C1orf52: variants seen among roughly 807,000 people sequenced by gnomAD.
The protein encoded by C1orf52 is UPF0690 protein C1orf52.
In C1orf52, 5 loss-of-function variants were observed where a neutral mutation model predicts 17.2. That is an observed-to-expected ratio of 0.29 (90% CI 0.15 to 0.61). C1orf52 has a LOEUF of 0.61. C1orf52 is among the 20% of genes least tolerant of loss of function. The pLI, the probability that C1orf52 is intolerant of heterozygous loss-of-function variation, is 0.85. For synonymous variants in C1orf52, 110 were observed against 88.0 expected, an observed-to-expected ratio of 1.25 and a Z score of -1.40; for missense variants, 245 against 234.1, an observed-to-expected ratio of 1.05 and a Z score of -0.30.
chr1:85,252,649 G>T lies in C1orf52; in HGVS notation c.529C>A (p.Pro177Thr). The T allele has an allele frequency of 1.2e-6, 2 of 1,613,286 alleles. No homozygotes were observed. Among genetic ancestry groups the T allele is most frequent in the Non-Finnish European group, 1.7e-6 (2 of 1,179,578 alleles). Residue 177 changes from proline to threonine, a missense_variant, in exon 3 of 3, where the codon CCA becomes ACA. Coordinates refer to ENST00000471115, the MANE Select transcript of C1orf52 (RefSeq NM_198077.4). ...SKKRKVEPGE[P>T]AKKKK Reference sequence around the variant, plus strand: ...TGTTTCTACTTTTTCTTCTTTGCTGGTTCTCCTGGCTCTACTTTGCGCTTT... The same window carrying T: ...TGTTTCTACTTTTTCTTCTTTGCTGTTTCTCCTGGCTCTACTTTGCGCTTT...
At chr1:85,256,277 A>T (rs1659933711) in intron 2 of C1orf52, among the ~76,000 whole-genome samples, 1 of 152,216 alleles carries the variant, frequency 6.6e-6, no homozygotes, top group African/African-American at 2.4e-5. Flanking sequence ...CTAATCTCAG[A>T]TTGTTTTATC....
rs1458374182 is a variant in C1orf52, at chr1:85,259,654, C to G, written c.-21G>C. 8.0e-6 allele frequency: 12 copies of G among 1,506,686 alleles called. No individual in the cohort carries two copies. The highest frequency in any genetic ancestry group is 2.1e-4 in the Middle Eastern group (1 of 4,788). 93.3% of individuals were successfully genotyped at this position (1,506,686 alleles called of 1,614,324 possible). A position where few individuals can be genotyped will look rare whatever the true frequency, so the allele number is the denominator to read the frequency against. On this transcript the variant is annotated 5_prime_UTR_variant, in exon 1 of 3. Transcript: ENST00000471115. ...GCCATGACGGCTGCGAGCGACAACCCAGCACTCCGCCGGAAGCCGGAAACC... is the reference window on the plus strand; with the variant it reads ...GCCATGACGGCTGCGAGCGACAACCGAGCACTCCGCCGGAAGCCGGAAACC...
intron 2 of C1orf52, 68 bp from the exon 3 acceptor site, chr1:85,252,770 T>G: frequency 9.4e-7 from 1 of 1,066,724 alleles, no homozygotes; most frequent in Non-Finnish European, 1.4e-6. Context: ...GCATTAAAAT[T>G]TCACTGGCTT....
At chr1:85,257,435 C>A in intron 2 of C1orf52, 1 of 716,910 alleles carries the variant, frequency 1.4e-6, no homozygotes, top group Non-Finnish European at 2.6e-6. Flanking sequence ...GGCAGGGAAC[C>A]ATACAATTCA....
chr1:85,259,545 T>C lies in C1orf52; in HGVS notation c.89A>G (p.Glu30Gly). 1 of 1,613,768 alleles carries C rather than the reference T, an allele frequency of 6.2e-7. No individual in the cohort carries two copies. The highest frequency in any genetic ancestry group is 8.5e-7 in the Non-Finnish European group (1 of 1,179,984). Residue 30 changes from glutamate to glycine, a missense_variant, in exon 1 of 3, where the codon GAG (glutamate) becomes GGG (glycine). Physicochemically the swap from Glu to Gly is moderately conservative, Grantham distance 98. Transcript: ENST00000471115. ...GGTTCTGCGACTCGTCTCCTCCGGC[T>C]CGATGTTATCCTCCTCGTCCGAGGA... ...SGSSDEEDNI[E>G]PEETSRRTPD...
In C1orf52 at chr1:85,258,735, C is replaced by A; in HGVS notation, c.277-13G>T. On this transcript the variant is annotated splice_polypyrimidine_tract_variant and intron_variant, in intron 1 of 2. Transcript: ENST00000471115. ...ATTCCTTTGGAGGCTGTTAAGCAAG[C>A]ACATTAAGAAGCACTGTGACGAACC... 1 of 1,593,182 alleles carries A rather than the reference C, an allele frequency of 6.3e-7. No individual in the cohort carries two copies. Among genetic ancestry groups the A allele is most frequent in the Non-Finnish European group, 8.5e-7 (1 of 1,173,414 alleles).
chr1:85,253,789 G>A (rs1570316806), intron 2 of C1orf52, among the ~76,000 whole-genome samples: 1 of 152,032 alleles, frequency 6.6e-6, no homozygotes, highest in East Asian at 1.9e-4. Flanking sequence ...AAAATACAGG[G>A]TAGCACAGAC....
At chr1:85,254,395 CTT>C (rs71585148) in intron 2 of C1orf52, among the ~76,000 whole-genome samples, 3 of 145,936 alleles carry the variant, frequency 2.1e-5, no homozygotes, top group African/African-American at 2.5e-5. Context: ...AAACGTTTTG[CTT>C]TTTTTTTTTT....
intron 2 of C1orf52, among the ~76,000 whole-genome samples, chr1:85,257,694 T>C (rs751267156): frequency 1.3e-5 from 2 of 152,232 alleles, no homozygotes; most frequent in East Asian, 1.9e-4. Flanking sequence ...AATTATGCTA[T>C]TATGAACTAA....
intron 2 of C1orf52, among the ~76,000 whole-genome samples, chr1:85,255,487 T>C (rs1007648694): frequency 2.0e-5 from 3 of 149,374 alleles, no homozygotes; most frequent in African/African-American, 7.4e-5. Context: ...GAGGCGGAGG[T>C]TGCAGTGAGC....
intron 1 of C1orf52, 157 bp downstream of exon 1, chr1:85,259,201 G>A (rs933116234): frequency 2.9e-5 from 34 of 1,153,822 alleles, no homozygotes; most frequent in Non-Finnish European, 3.9e-5. Flanking sequence ...GGGAGAGGGG[G>A]CCAGGTTTCC....
intron 2 of C1orf52, among the ~76,000 whole-genome samples, chr1:85,255,348 G>A (rs1282302274): frequency 2.0e-5 from 3 of 151,988 alleles, no homozygotes; most frequent in East Asian, 1.9e-4. Context: ...TCAGGAGATC[G>A]AGACCACCCT....
intron 2 of C1orf52, among the ~76,000 whole-genome samples, chr1:85,253,275 T>C (rs953516270): frequency 1.3e-5 from 2 of 152,214 alleles, no homozygotes; most frequent in African/African-American, 4.8e-5. Context: ...GAATGGAGCA[T>C]ATTGTTTTCT....
chr1:85,256,243 C>T (rs144313544), intron 2 of C1orf52, among the ~76,000 whole-genome samples: 341 of 152,266 alleles, frequency 2.2e-3, no homozygotes, highest in African/African-American at 7.7e-3. Context: ...TCTTTAGCTG[C>T]GTGAATGAAT....
At chr1:85,252,812 G>A in intron 2 of C1orf52, 110 bp from the exon 3 acceptor site, 1 of 667,148 alleles carries the variant, frequency 1.5e-6, no homozygotes, top group South Asian at 1.9e-5. Context: ...ATCAATTAAT[G>A]TTTCTCTCAG....
In C1orf52 at chr1:85,251,431, CAG is replaced by C. The variant is rs1251434946; in HGVS notation, c.*1196_*1197del. The C allele has an allele frequency of 2.0e-5, 3 of 152,174 alleles. No individual in the cohort carries two copies. The highest frequency in any genetic ancestry group is 1.3e-4 in the Admixed American group (2 of 15,280). The allele number at this position is 152,174 out of a possible 1,614,324, so 9.4% of individuals were successfully genotyped here. On this transcript the variant is annotated 3_prime_UTR_variant, in exon 3 of 3. Transcript: ENST00000471115. ...CTTCAGATTCATGGAAAGATTGATG[CAG>C]AGTGTAACCTTTTTATTGTTCAAAA...
intron 2 of C1orf52, among the ~76,000 whole-genome samples, chr1:85,256,024 T>G (rs1659929025): frequency 6.6e-6 from 1 of 152,202 alleles, no homozygotes; most frequent in South Asian, 2.1e-4. Flanking sequence ...CCTGGTTTTT[T>G]CCATATAACT....
rs1659808816 is a variant in C1orf52 at position 85,251,802 on chromosome 1, TAA to T, written c.*825_*826del. Reference sequence around the variant, plus strand: ...AATCAGGAGAGGAAAAGATCTCTACTAACGGATCTCCAGGTACAACAGAAAAA... The same window carrying T: ...AATCAGGAGAGGAAAAGATCTCTACTCGGATCTCCAGGTACAACAGAAAAA... On this transcript the variant is annotated 3_prime_UTR_variant, in exon 3 of 3. Transcript: ENST00000471115. 6.6e-6 allele frequency: 1 copy of T among 152,190 alleles called. No homozygotes were observed. The highest frequency in any genetic ancestry group is 1.5e-5 in the Non-Finnish European group (1 of 68,034). 9.4% of individuals were successfully genotyped at this position (152,190 alleles called of 1,614,324 possible).
rs1403284172 is a variant in C1orf52 at position 85,250,655 on chromosome 1, GA to G, written c.*1973del. The G allele has an allele frequency of 6.6e-6, 1 of 152,186 alleles. No individual in the cohort carries two copies. The highest frequency in any genetic ancestry group is 2.1e-4 in the South Asian group (1 of 4,836). The allele number at this position is 152,186 out of a possible 1,614,324, so 9.4% of individuals were successfully genotyped here. A position where few individuals can be genotyped will look rare whatever the true frequency, so the allele number is the denominator to read the frequency against. The stretch of plus-strand genomic sequence containing the variant: ...CTCTGCACATCTCCCAGGAAAGAGA[GA>G]AAAAAGTTTGCTTTCATGCTAACTT... On this transcript the variant is annotated 3_prime_UTR_variant, in exon 3 of 3. Coordinates refer to ENST00000471115, the MANE Select transcript of C1orf52 (RefSeq NM_198077.4).
Sources: allele counts gnomAD v4.1 joint callset (sites outside exome capture counted in the v4.1 genomes callset), GRCh38; gene constraint gnomAD v4.1.1; transcripts MANE v1.5; gene names NCBI Gene and HGNC (gene_info 2026-07-23, HGNC 2026-07-21).